Variants in CNTNAP2 observed in about 807,000 individuals in gnomAD.
CNTNAP2 encodes contactin-associated protein-like 2.
A neutral mutation model predicts 155.2 loss-of-function variants in CNTNAP2; 98 were observed. The ratio of observed to expected loss-of-function variants is 0.63; its 90% CI spans 0.54 to 0.75. The LOEUF is 0.75. Ranked by LOEUF, CNTNAP2 falls within the 30% of genes least tolerant of loss-of-function variation. The probability of loss-of-function intolerance (pLI) is 0.00; values close to 1 mark genes in which losing one functional copy is unlikely to be tolerated. For missense variants in CNTNAP2, 1,727 were observed against 1,688.1 expected (o/e 1.02, Z -0.40); for synonymous variants, 651 against 631.2 (o/e 1.03, Z -0.47).
chr7:147,967,819 T>C (rs968473773), intron 14 of CNTNAP2, among the ~76,000 whole-genome samples: 4 of 152,320 alleles, frequency 2.6e-5, no homozygotes, highest in African/African-American at 9.6e-5. Context: ...ATCTAAGTCT[T>C]GTACCCCTTT....
chr7:146,757,249 G>T (rs1802010029), intron 1 of CNTNAP2, among the ~76,000 whole-genome samples: 7 of 152,026 alleles, frequency 4.6e-5, no homozygotes, highest in Admixed American at 4.6e-4. Context: ...TTTTGACAAA[G>T]GAATGCAGTG....
intron 15 of CNTNAP2, among the ~76,000 whole-genome samples, chr7:147,997,837 T>G (rs1801832714): frequency 6.6e-6 from 1 of 152,156 alleles, no homozygotes; most frequent in African/African-American, 2.4e-5. Flanking sequence ...ACATGCGCAG[T>G]AGCCGCACAT....
At chr7:146,491,722 T>G (rs1797142280) in intron 1 of CNTNAP2, among the ~76,000 whole-genome samples, 1 of 152,176 alleles carries the variant, frequency 6.6e-6, no homozygotes, top group Non-Finnish European at 1.5e-5. Context: ...GAGATGAAAC[T>G]AATGTCTCAT....
intron 1 of CNTNAP2, among the ~76,000 whole-genome samples, chr7:146,131,727 AC>A (rs1226713647): frequency 2.6e-5 from 4 of 152,194 alleles, no homozygotes; most frequent in Non-Finnish European, 4.4e-5. Flanking sequence ...ACCAGCAAGT[AC>A]TAGATGATTA....
At chr7:146,828,497 G>A (rs1486611217) in intron 2 of CNTNAP2, among the ~76,000 whole-genome samples, 1 of 151,976 alleles carries the variant, frequency 6.6e-6, no homozygotes, top group Non-Finnish European at 1.5e-5. Flanking sequence ...CAGTAGTGAA[G>A]AGCTCATTAC....
chr7:147,754,904 T>A (rs941384075), intron 13 of CNTNAP2, among the ~76,000 whole-genome samples: 4 of 152,146 alleles, frequency 2.6e-5, no homozygotes, highest in Non-Finnish European at 5.9e-5. Context: ...GCTTAGAAAT[T>A]TTCGTAATAA....
chr7:147,250,391 TA>T lies in CNTNAP2; in HGVS notation c.1349-49742del, dbSNP rs143001854. On this transcript the variant is annotated intron_variant, in intron 8 of 23. Transcript: ENST00000361727. The stretch of plus-strand genomic sequence containing the variant: ...GAGAAAAGGAATCAGCTTTTTATAA[TA>T]AAAAAAATGCAGATGGAGATTCCGA... 8.6e-5 allele frequency among the ~76,000 whole-genome samples: 13 copies of T among 151,940 alleles called. No individual in the cohort carries two copies. In the South Asian group the frequency reaches 2.5e-3, roughly 29 times the overall value.
chr7:146,390,891 AC>A (rs1347560221), intron 1 of CNTNAP2, among the ~76,000 whole-genome samples: 2 of 122,128 alleles, frequency 1.6e-5, no homozygotes, highest in East Asian at 4.9e-4. Context: ...ACATGGTGAA[AC>A]CCCATCTCTA....
chr7:147,427,052 C>A (rs1304317384), intron 10 of CNTNAP2, among the ~76,000 whole-genome samples: 2 of 152,078 alleles, frequency 1.3e-5, no homozygotes, highest in Non-Finnish European at 2.9e-5. Context: ...GAGGCACCAG[C>A]AGGATTGGTG....
At chr7:147,870,472 GGAT>G (rs1219812051) in intron 13 of CNTNAP2, among the ~76,000 whole-genome samples, 1 of 152,224 alleles carries the variant, frequency 6.6e-6, no homozygotes, top group East Asian at 1.9e-4. Flanking sequence ...ATGTGGTGGT[GGAT>G]CCCAAGCAGC....
intron 15 of CNTNAP2, among the ~76,000 whole-genome samples, chr7:147,984,211 T>G (rs1174061088): frequency 1.3e-5 from 2 of 152,174 alleles, no homozygotes; most frequent in African/African-American, 2.4e-5. Context: ...TGTGGTGGGT[T>G]TTAGCCGGCT....
chr7:147,692,918 C>G (rs1277664327), intron 13 of CNTNAP2, among the ~76,000 whole-genome samples: 1 of 151,984 alleles, frequency 6.6e-6, no homozygotes, highest in Non-Finnish European at 1.5e-5. Flanking sequence ...CATTCTGACA[C>G]CATAGGTCGT....
chr7:146,849,236 A>G (rs1794825782), intron 3 of CNTNAP2, among the ~76,000 whole-genome samples: 1 of 152,228 alleles, frequency 6.6e-6, no homozygotes, highest in Non-Finnish European at 1.5e-5. Flanking sequence ...TTCATCATAT[A>G]GAGCTCACTG....
chr7:147,695,008 C>T (rs1796141561), intron 13 of CNTNAP2, among the ~76,000 whole-genome samples: 1 of 152,122 alleles, frequency 6.6e-6, no homozygotes, highest in South Asian at 2.1e-4. Context: ...CCTTTCACTG[C>T]ATCCCACACA....
chr7:148,365,743 C>T (rs1232122707), intron 21 of CNTNAP2, among the ~76,000 whole-genome samples: 1 of 83,484 alleles, frequency 1.2e-5, no homozygotes, highest in Non-Finnish European at 2.8e-5. Context: ...TATGTGTATA[C>T]ATGTATACAT....
chr7:147,050,939 C>T (rs1799460110), intron 4 of CNTNAP2, among the ~76,000 whole-genome samples: 1 of 152,020 alleles, frequency 6.6e-6, no homozygotes, highest in Non-Finnish European at 1.5e-5. Flanking sequence ...TCATTTCAAT[C>T]TCTCCTTTGG....
chr7:148,179,547 G>A (rs1399613496), intron 18 of CNTNAP2, among the ~76,000 whole-genome samples: 1 of 148,166 alleles, frequency 6.7e-6, no homozygotes, highest in African/African-American at 2.5e-5. Flanking sequence ...GAGTGAGAGA[G>A]GGAGAGAGGG....
At chr7:147,208,119 T>G (rs1803058514) in intron 8 of CNTNAP2, among the ~76,000 whole-genome samples, 1 of 152,114 alleles carries the variant, frequency 6.6e-6, no homozygotes, top group Non-Finnish European at 1.5e-5. Context: ...ACCCTATTTC[T>G]AATTGTTGTT....
chr7:147,498,274 G>A (rs1294272221), intron 11 of CNTNAP2, among the ~76,000 whole-genome samples: 1 of 152,162 alleles, frequency 6.6e-6, no homozygotes, highest in Non-Finnish European at 1.5e-5. Flanking sequence ...AGTGGGCTGG[G>A]AGGGGAAGCC....
Sources: allele counts gnomAD v4.1 joint callset (sites outside exome capture counted in the v4.1 genomes callset), GRCh38; gene constraint gnomAD v4.1.1; transcripts MANE v1.5; gene names NCBI Gene and HGNC (gene_info 2026-07-23, HGNC 2026-07-21).